ADGRB3: variants seen among roughly 807,000 people sequenced by gnomAD.
ADGRB3 encodes adhesion G protein-coupled receptor B3, also known as brain-specific angiogenesis inhibitor 3.
Under a neutral mutation model 193.4 loss-of-function variants are expected in ADGRB3, and 37 were observed. The ratio of observed to expected loss-of-function variants is 0.19; its 90% CI spans 0.15 to 0.25. The LOEUF (loss-of-function observed/expected upper bound fraction) is 0.25. Ranked by LOEUF, ADGRB3 falls within the 10% of genes least tolerant of loss-of-function variation. The pLI, the probability that ADGRB3 is intolerant of heterozygous loss-of-function variation, is 1.00. For synonymous variants in ADGRB3, 690 were observed against 644.2 expected, an observed-to-expected ratio of 1.07 and a Z score of -1.08; for missense variants, 1,637 against 1,852.9, an observed-to-expected ratio of 0.88 and a Z score of 2.14.
At chr6:69,372,488 A>G in intron 30 of ADGRB3, 47 bp downstream of exon 30, 1 of 1,049,718 alleles carries the variant, frequency 9.5e-7, no homozygotes, top group South Asian at 1.8e-5. Context: ...TTGAATTCAA[A>G]ATAGATATAT....
At chr6:69,127,488 T>C (rs1010759713) in intron 17 of ADGRB3, among the ~76,000 whole-genome samples, 5 of 152,302 alleles carry the variant, frequency 3.3e-5, no homozygotes, top group South Asian at 4.1e-4. Flanking sequence ...ATGACAAATT[T>C]AGCTTCAATT....
chr6:69,206,488 C>T (rs1018515540), intron 17 of ADGRB3, among the ~76,000 whole-genome samples: 1 of 152,020 alleles, frequency 6.6e-6, no homozygotes, highest in African/African-American at 2.4e-5. Context: ...AACTTGAACC[C>T]ATACACACCT....
At chr6:68,951,222 C>A (rs1252566309) in intron 6 of ADGRB3, among the ~76,000 whole-genome samples, 1 of 152,072 alleles carries the variant, frequency 6.6e-6, no homozygotes, top group Non-Finnish European at 1.5e-5. Context: ...TCCTCAGCCC[C>A]ATAACATTTC....
chr6:69,132,123 A>G (rs1774027920), intron 17 of ADGRB3, among the ~76,000 whole-genome samples: 1 of 152,104 alleles, frequency 6.6e-6, no homozygotes, highest in African/African-American at 2.4e-5. Flanking sequence ...ATGGTTTATA[A>G]TCCTTTGGGT....
intron 17 of ADGRB3, among the ~76,000 whole-genome samples, chr6:69,122,818 C>G (rs1471829395): frequency 6.6e-6 from 1 of 151,952 alleles, no homozygotes; most frequent in Non-Finnish European, 1.5e-5. Context: ...CAGAACAAAG[C>G]TGGTTTCAAA....
chr6:68,994,863 A>ATTTGTTTTGT lies in ADGRB3; in HGVS notation c.1929+930_1929+939dup, dbSNP rs3839460. Among the ~76,000 whole-genome samples the ATTTGTTTTGT allele has an allele frequency of 2.3e-4, 35 of 151,712 alleles. 1 individual carries two copies. Among genetic ancestry groups the ATTTGTTTTGT allele is most frequent in the South Asian group, 6.3e-4 (3 of 4,800 alleles). On this transcript the variant is annotated intron_variant, in intron 11 of 31. Coordinates refer to ENST00000370598, the MANE Select transcript of ADGRB3 (RefSeq NM_001704.3). The stretch of plus-strand genomic sequence containing the variant: ...TGGTATTTCCCTTGGAAAATACAGG[A>ATTTGTTTTGT]TTTGTTTTGTTTTGTTTTGTTTTGT...
intron 3 of ADGRB3, among the ~76,000 whole-genome samples, chr6:68,701,712 C>A (rs547978723): frequency 6.6e-6 from 1 of 152,140 alleles, no homozygotes; most frequent in Non-Finnish European, 1.5e-5. Context: ...AACAACAGGA[C>A]CAAAACAGGT....
intron 3 of ADGRB3, among the ~76,000 whole-genome samples, chr6:68,739,572 TG>T (rs1765937833): frequency 6.6e-6 from 1 of 152,126 alleles, no homozygotes; most frequent in Admixed American, 6.5e-5. Context: ...ATAGACATGA[TG>T]GTGAGAGCCT....
chr6:68,798,972 C>G (rs1447390484), intron 3 of ADGRB3, among the ~76,000 whole-genome samples: 1 of 152,120 alleles, frequency 6.6e-6, no homozygotes, highest in Non-Finnish European at 1.5e-5. Flanking sequence ...GAAAAGACAG[C>G]AAACTGATTG....
chr6:69,103,358 A>G (rs1773119439), intron 17 of ADGRB3, among the ~76,000 whole-genome samples: 1 of 152,220 alleles, frequency 6.6e-6, no homozygotes, highest in African/African-American at 2.4e-5. Context: ...CAAAGTAGAC[A>G]TCAAAAAAAC....
chr6:68,808,903 C>T (rs956882317), intron 3 of ADGRB3, among the ~76,000 whole-genome samples: 7 of 152,162 alleles, frequency 4.6e-5, no homozygotes, highest in Non-Finnish European at 1.0e-4. Flanking sequence ...TAGATTTCTG[C>T]ATATTGCCTC....
At chr6:69,149,229 A>G (rs1774593964) in intron 17 of ADGRB3, among the ~76,000 whole-genome samples, 1 of 151,014 alleles carries the variant, frequency 6.6e-6, no homozygotes, top group African/African-American at 2.4e-5. Context: ...CTTTTCTATT[A>G]TTTTTTCCTT....
intron 5 of ADGRB3, among the ~76,000 whole-genome samples, chr6:68,942,787 C>G (rs1052635016): frequency 2.0e-5 from 3 of 151,950 alleles, no homozygotes; most frequent in Non-Finnish European, 4.4e-5. Flanking sequence ...ATTTTTGTAG[C>G]TTTAGTAGAG....
intron 17 of ADGRB3, among the ~76,000 whole-genome samples, chr6:69,194,552 G>A (rs1765259714): frequency 1.3e-5 from 2 of 152,070 alleles, no homozygotes; most frequent in Non-Finnish European, 2.9e-5. Context: ...CGTGAGAATG[G>A]GCTTGAAAGT....
At chr6:69,015,737 A>T (rs1023054205) in intron 12 of ADGRB3, among the ~76,000 whole-genome samples, 2 of 151,852 alleles carry the variant, frequency 1.3e-5, no homozygotes, top group Non-Finnish European at 2.9e-5. Context: ...AACAAAATTT[A>T]CTCTTTCGAA....
chr6:69,240,029 G>C (rs746253356), intron 20 of ADGRB3, among the ~76,000 whole-genome samples: 1 of 151,830 alleles, frequency 6.6e-6, no homozygotes, highest in African/African-American at 2.4e-5. Context: ...ATACAAAAGC[G>C]AATAATTAAA....
At chr6:68,687,767 A>G (rs1045470612) in intron 3 of ADGRB3, among the ~76,000 whole-genome samples, 1 of 152,220 alleles carries the variant, frequency 6.6e-6, no homozygotes, top group African/African-American at 2.4e-5. Flanking sequence ...ACAACTAACA[A>G]TTCTGATAAG....
At chr6:69,382,550 A>C in intron 30 of ADGRB3, among the ~76,000 whole-genome samples, 1 of 151,950 alleles carries the variant, frequency 6.6e-6, no homozygotes, top group Non-Finnish European at 1.5e-5. Flanking sequence ...AATAATGAAA[A>C]TCTTACTCAG....
At chr6:68,838,818 A>G (rs534782681) in intron 3 of ADGRB3, among the ~76,000 whole-genome samples, 55 of 152,296 alleles carry the variant, frequency 3.6e-4, no homozygotes, top group African/African-American at 1.3e-3. Context: ...GTCAGTTTGC[A>G]TTTATTTGTT....
Sources: gnomAD v4.1 joint callset for allele counts (sites outside exome capture counted in the v4.1 genomes callset) on GRCh38, gnomAD v4.1.1 for gene constraint, MANE v1.5 for transcripts, NCBI Gene and HGNC (gene_info 2026-07-23, HGNC 2026-07-21) for gene names.